SEMA6A: variants seen among roughly 807,000 people sequenced by gnomAD.
SEMA6A encodes semaphorin-6A.
A neutral mutation model predicts 96.8 loss-of-function variants in SEMA6A; 25 were observed. The observed-to-expected ratio is 0.26, with a 90% CI of 0.19 to 0.36. SEMA6A has a LOEUF of 0.36. Ranked by LOEUF, SEMA6A falls within the 10% of genes least tolerant of loss-of-function variation. SEMA6A has a pLI of 1.00. For missense variants in SEMA6A, 1,363 were observed against 1,323.1 expected (o/e 1.03, Z -0.47); for synonymous variants, 612 against 518.0 (o/e 1.18, Z -2.46).
chr5:116,562,161 A>G (rs1385162690), intron 1 of SEMA6A, among the ~76,000 whole-genome samples: 1 of 152,228 alleles, frequency 6.6e-6, no homozygotes, highest in Non-Finnish European at 1.5e-5. Flanking sequence ...ATTTTAGACA[A>G]CCACTACCCT....
At chr5:116,460,368 A>G (rs145323378) in intron 18 of SEMA6A, among the ~76,000 whole-genome samples, 148 of 152,220 alleles carry the variant, frequency 9.7e-4, no homozygotes, top group African/African-American at 3.2e-3. Context: ...GTGGAATAAG[A>G]TTTTTTCTTA....
chr5:116,456,664 C>T (rs902962174), intron 18 of SEMA6A, among the ~76,000 whole-genome samples: 2 of 152,202 alleles, frequency 1.3e-5, no homozygotes, highest in African/African-American at 4.8e-5. Context: ...ATCTCTGTAA[C>T]TGTGGCCGTC....
chr5:116,528,718 T>G (rs1263907641), intron 1 of SEMA6A, among the ~76,000 whole-genome samples: 1 of 152,192 alleles, frequency 6.6e-6, no homozygotes, highest in Non-Finnish European at 1.5e-5. Flanking sequence ...ACATGGCTAC[T>G]TCACAGATAT....
In SEMA6A at chr5:116,443,764, G is replaced by T. The variant is rs1241891370; in HGVS notation, c.*2849C>A. 1 of 152,488 alleles carries T rather than the reference G, an allele frequency of 6.6e-6. No individual in the cohort carries two copies. The highest frequency in any genetic ancestry group is 2.4e-5 in the African/African-American group (1 of 41,388). The allele number at this position is 152,488 out of a possible 1,614,324, so 9.4% of individuals were successfully genotyped here. A position where few individuals can be genotyped will look rare whatever the true frequency, so the allele number is the denominator to read the frequency against. Reference sequence around the variant, plus strand: ...CAACAAATATAAATCTGAGTTTGTTGCATCTACCAGTGTCTAGCAAGGGTG... The same window carrying T: ...CAACAAATATAAATCTGAGTTTGTTTCATCTACCAGTGTCTAGCAAGGGTG... On this transcript the variant is annotated 3_prime_UTR_variant, in exon 19 of 19. Transcript: ENST00000343348.
chr5:116,468,528 A>G (rs976493001), intron 17 of SEMA6A: 11 of 152,228 alleles, frequency 7.2e-5, no homozygotes, highest in Admixed American at 3.9e-4. Flanking sequence ...TGAGGTTCAG[A>G]TAAGCTACCA....
chr5:116,530,777 C>CA (rs1180427127), intron 1 of SEMA6A, among the ~76,000 whole-genome samples: 1 of 151,970 alleles, frequency 6.6e-6, no homozygotes, highest in East Asian at 1.9e-4. Context: ...AATCAGTGAC[C>CA]AAAAATACAT....
chr5:116,489,973 A>C (rs898138307), intron 7 of SEMA6A, among the ~76,000 whole-genome samples: 1 of 152,224 alleles, frequency 6.6e-6, no homozygotes, highest in African/African-American at 2.4e-5. Flanking sequence ...CATTAGTTGT[A>C]TGTCAAAGTG....
intron 1 of SEMA6A, among the ~76,000 whole-genome samples, chr5:116,506,575 C>T (rs1464179455): frequency 6.6e-6 from 1 of 151,896 alleles, no homozygotes; most frequent in Non-Finnish European, 1.5e-5. Flanking sequence ...ATTTGCTTCT[C>T]ATGGCTCCTG....
At chr5:116,521,180 T>C (rs1758931711) in intron 1 of SEMA6A, among the ~76,000 whole-genome samples, 1 of 152,182 alleles carries the variant, frequency 6.6e-6, no homozygotes, top group Non-Finnish European at 1.5e-5. Context: ...GCTCTACCTC[T>C]TTTTCACTAC....
At chr5:116,571,590 T>G (rs1761215994) in intron 1 of SEMA6A, among the ~76,000 whole-genome samples, 1 of 151,870 alleles carries the variant, frequency 6.6e-6, no homozygotes, top group African/African-American at 2.4e-5. Context: ...TAACAGGGAG[T>G]AAGGGTTACT....
intron 1 of SEMA6A, among the ~76,000 whole-genome samples, chr5:116,519,098 G>T (rs1286541076): frequency 6.6e-6 from 1 of 152,114 alleles, no homozygotes; most frequent in Non-Finnish European, 1.5e-5. Flanking sequence ...ACTAAGACAT[G>T]AAAGAAAGGT....
At chr5:116,473,786 G>T (rs1756296051) in intron 16 of SEMA6A, among the ~76,000 whole-genome samples, 1 of 152,174 alleles carries the variant, frequency 6.6e-6, no homozygotes, top group Non-Finnish European at 1.5e-5. Context: ...GTCTAATAGA[G>T]GTAGTTCATG....
At chr5:116,552,695 G>T (rs894420849) in intron 1 of SEMA6A, among the ~76,000 whole-genome samples, 1 of 152,196 alleles carries the variant, frequency 6.6e-6, no homozygotes, top group Admixed American at 6.5e-5. Flanking sequence ...CTATTTCGGT[G>T]AAGGGACAGC....
At chr5:116,474,309 CAT>C (rs1321769562) in intron 16 of SEMA6A, among the ~76,000 whole-genome samples, 7 of 148,096 alleles carry the variant, frequency 4.7e-5, no homozygotes, top group Admixed American at 2.2e-4. Context: ...CACACACACA[CAT>C]CTTAAAACCT....
chr5:116,573,723 C>T (rs1761338467), intron 1 of SEMA6A, among the ~76,000 whole-genome samples: 1 of 152,166 alleles, frequency 6.6e-6, no homozygotes, highest in Non-Finnish European at 1.5e-5. Flanking sequence ...GAAAACAGCG[C>T]TGTTATACCC....
intron 1 of SEMA6A, among the ~76,000 whole-genome samples, chr5:116,530,014 A>G (rs902572562): frequency 6.6e-6 from 1 of 152,108 alleles, no homozygotes; most frequent in African/African-American, 2.4e-5. Context: ...GAAAAAATAA[A>G]AATAATGACA....
At chr5:116,548,271 T>A (rs1389771411) in intron 1 of SEMA6A, among the ~76,000 whole-genome samples, 1 of 152,208 alleles carries the variant, frequency 6.6e-6, no homozygotes, top group Non-Finnish European at 1.5e-5. Context: ...TACATTTAGA[T>A]GCCATGCCCA....
intron 1 of SEMA6A, among the ~76,000 whole-genome samples, chr5:116,513,391 T>C (rs1217613231): frequency 6.6e-6 from 1 of 152,144 alleles, no homozygotes; most frequent in Non-Finnish European, 1.5e-5. Context: ...CCTCCCAAAG[T>C]GCTAGGAGTA....
intron 1 of SEMA6A, among the ~76,000 whole-genome samples, chr5:116,543,774 C>T (rs1237111632): frequency 6.6e-6 from 1 of 152,174 alleles, no homozygotes; most frequent in African/African-American, 2.4e-5. Context: ...TATGATAAGG[C>T]AAGCAGATGT....
Sources: allele counts gnomAD v4.1 joint callset (sites outside exome capture counted in the v4.1 genomes callset), GRCh38; gene constraint gnomAD v4.1.1; transcripts MANE v1.5; gene names NCBI Gene and HGNC (gene_info 2026-07-23, HGNC 2026-07-21).